SCML4: variants seen among roughly 807,000 people sequenced by gnomAD.
The protein encoded by SCML4 is Scm polycomb group protein like 4.
SCML4 carries 34 observed loss-of-function variants against 41.1 expected under a neutral mutation model. The observed-to-expected ratio is 0.83, with a 90% CI of 0.63 to 1.10. The LOEUF is 1.10. Ranked by LOEUF, SCML4 falls within the 50% of genes least tolerant of loss-of-function variation. The pLI, the probability that SCML4 is intolerant of heterozygous loss-of-function variation, is 0.00. For synonymous variants in SCML4, 214 were observed against 220.9 expected (o/e 0.97, Z 0.28); for missense variants, 522 against 534.1 (o/e 0.98, Z 0.22).
At chr6:107,822,508 C>CTTTTTT (rs10677944) in intron 1 of SCML4, among the ~76,000 whole-genome samples, 25,387 of 136,596 alleles carry the variant, frequency 0.19, 2,970 homozygotes, top group African/African-American at 0.35. Flanking sequence ...TTTTTCTTTT[C>CTTTTTT]TTTTTTTTTT....
At chr6:107,813,425 A>T (rs9400149) in intron 1 of SCML4, among the ~76,000 whole-genome samples, 3,475 of 9,210 alleles carry the variant, frequency 0.38, 887 homozygotes, top group East Asian at 0.69. Context: ...TATATATATA[A>T]AACTGTAAAA....
intron 1 of SCML4, among the ~76,000 whole-genome samples, chr6:107,818,997 G>A (rs1213351426): frequency 6.6e-6 from 1 of 152,176 alleles, no homozygotes; most frequent in Non-Finnish European, 1.5e-5. Flanking sequence ...AAAAGAGGAC[G>A]GGAGAAGAGA....
At chr6:107,778,265 A>AT (rs1781195419) in intron 1 of SCML4, among the ~76,000 whole-genome samples, 2 of 128,782 alleles carry the variant, frequency 1.6e-5, no homozygotes, top group Admixed American at 8.2e-5. Context: ...ATATATATAT[A>AT]ACTTGAGAAT....
At chr6:107,813,408 AT>A (rs1784338450) in intron 1 of SCML4, among the ~76,000 whole-genome samples, 3 of 27,900 alleles carry the variant, frequency 1.1e-4, no homozygotes, top group African/African-American at 2.0e-4. Flanking sequence ...ATATATATAT[AT>A]ATATATATAT....
At chr6:107,738,817 G>C (rs978557445) in intron 5 of SCML4, among the ~76,000 whole-genome samples, 1 of 151,962 alleles carries the variant, frequency 6.6e-6, no homozygotes, top group Non-Finnish European at 1.5e-5. Context: ...GCTGTTCTCT[G>C]CCACCTCCAG....
chr6:107,712,664 C>CT (rs1367911703), intron 6 of SCML4, among the ~76,000 whole-genome samples: 1 of 152,132 alleles, frequency 6.6e-6, no homozygotes, highest in Non-Finnish European at 1.5e-5. Flanking sequence ...TCGGGAGCTG[C>CT]TCCTGATCCA....
intron 1 of SCML4, among the ~76,000 whole-genome samples, chr6:107,819,666 CAAAAAAA>C (rs56085566): frequency 3.8e-5 from 5 of 130,620 alleles, no homozygotes; most frequent in Non-Finnish European, 3.3e-5. Flanking sequence ...ATGCAACTGC[CAAAAAAA>C]AAAAAAAAAA....
intron 1 of SCML4, among the ~76,000 whole-genome samples, chr6:107,819,540 A>G (rs1009473206): frequency 2.6e-5 from 4 of 152,168 alleles, no homozygotes; most frequent in African/African-American, 7.2e-5. Flanking sequence ...TTTCTGGAGA[A>G]AGTAAGACCT....
intron 5 of SCML4, among the ~76,000 whole-genome samples, chr6:107,731,624 C>G (rs1337223227): frequency 1.3e-5 from 2 of 152,200 alleles, no homozygotes; most frequent in Non-Finnish European, 2.9e-5. Context: ...ACCCCTTTGC[C>G]GGTCTGCCCA....
At chr6:107,760,648 G>T (rs751703835) in intron 2 of SCML4, among the ~76,000 whole-genome samples, 1 of 152,152 alleles carries the variant, frequency 6.6e-6, no homozygotes, top group Non-Finnish European at 1.5e-5. Context: ...CTGGAGAAAG[G>T]TTTCAAAGAA....
At chr6:107,713,645 A>G (rs1032277417) in intron 6 of SCML4, among the ~76,000 whole-genome samples, 3 of 152,230 alleles carry the variant, frequency 2.0e-5, no homozygotes, top group African/African-American at 7.2e-5. Context: ...CTGGAGCCTG[A>G]CCATAAGAAT....
intron 7 of SCML4, among the ~76,000 whole-genome samples, chr6:107,705,575 T>C (rs1773529546): frequency 6.6e-6 from 1 of 152,132 alleles, no homozygotes; most frequent in Admixed American, 6.5e-5. Flanking sequence ...CCTCCCCTCA[T>C]AGAAGGAATC....
intron 1 of SCML4, among the ~76,000 whole-genome samples, chr6:107,781,180 C>A (rs1442173495): frequency 6.6e-6 from 1 of 151,848 alleles, no homozygotes; most frequent in South Asian, 2.1e-4. Flanking sequence ...ATGGTGAGAC[C>A]CTGTCTCTAC....
chr6:107,751,361 A>G (rs1224585967), intron 2 of SCML4, among the ~76,000 whole-genome samples: 1 of 149,820 alleles, frequency 6.7e-6, no homozygotes. Flanking sequence ...TAGGGAAAGA[A>G]TATTCCAGGC....
upstream of SCML4, among the ~76,000 whole-genome samples, chr6:107,825,434 A>G (rs1785213487): frequency 6.6e-6 from 1 of 152,236 alleles, no homozygotes. Flanking sequence ...AGTACATAAG[A>G]AATCTCTCCT....
At chr6:107,840,000 TTGAC>T in the SCML4 span, among the ~76,000 whole-genome samples, 1 of 152,322 alleles carries the variant, frequency 6.6e-6, no homozygotes, top group Non-Finnish European at 1.5e-5. Context: ...TAAACCGAAT[TTGAC>T]TGCTTTTTAC....
intron 2 of SCML4, among the ~76,000 whole-genome samples, chr6:107,759,808 GA>G (rs1779438318): frequency 6.6e-6 from 1 of 152,104 alleles, no homozygotes; most frequent in Non-Finnish European, 1.5e-5. Context: ...GAGAGGGCAT[GA>G]AGAAAAGGAA....
intron 6 of SCML4, among the ~76,000 whole-genome samples, chr6:107,716,600 G>C (rs35692169): frequency 0.52 from 79,199 of 151,872 alleles, 22,808 homozygotes; most frequent in Middle Eastern, 0.69. Context: ...CTGAGGGTCT[G>C]TTCCTTTCTC....
At chr6:107,820,778 G>A (rs1451195220) in intron 1 of SCML4, among the ~76,000 whole-genome samples, 1 of 152,206 alleles carries the variant, frequency 6.6e-6, no homozygotes, top group Admixed American at 6.5e-5. Flanking sequence ...AGAGACTCTA[G>A]TAGAGATTTA....
Sources: allele counts gnomAD v4.1 joint callset (sites outside exome capture counted in the v4.1 genomes callset), GRCh38; gene constraint gnomAD v4.1.1; transcripts MANE v1.5; gene names NCBI Gene and HGNC (gene_info 2026-07-23, HGNC 2026-07-21).